LINGO2: variants seen among roughly 807,000 people sequenced by gnomAD.
LINGO2 encodes leucine-rich repeat and immunoglobulin-like domain-containing nogo receptor-interacting protein 2.
In LINGO2, 14 loss-of-function variants were observed where a neutral mutation model predicts 30.6. The ratio of observed to expected loss-of-function variants is 0.46; its 90% CI spans 0.30 to 0.72. LINGO2 has a LOEUF of 0.72. LINGO2 is among the 30% of genes least tolerant of loss of function. The pLI, the probability that LINGO2 is intolerant of heterozygous loss-of-function variation, is 0.07. For synonymous variants in LINGO2, 317 were observed against 288.5 expected (o/e 1.10, Z -1.00); for missense variants, 729 against 751.7 (o/e 0.97, Z 0.35).
chr9:28,498,969 CTTTT>C (rs996748780), intron 1 of LINGO2, among the ~76,000 whole-genome samples: 3 of 151,154 alleles, frequency 2.0e-5, no homozygotes, highest in African/African-American at 7.3e-5. Flanking sequence ...TACTCAAATA[CTTTT>C]TTTTTGTCTT....
At chr9:28,319,941 G>A (rs1824979672) in intron 3 of LINGO2, among the ~76,000 whole-genome samples, 2 of 151,970 alleles carry the variant, frequency 1.3e-5, no homozygotes, top group Admixed American at 6.6e-5. Context: ...GAATCTTAAA[G>A]TACTAGAATT....
At chr9:28,419,099 CA>C (rs756626723) in intron 2 of LINGO2, among the ~76,000 whole-genome samples, 3 of 151,904 alleles carry the variant, frequency 2.0e-5, no homozygotes, top group Non-Finnish European at 4.4e-5. Flanking sequence ...ATTAATATGT[CA>C]TATATTTTTT....
rs3065608 is a variant in LINGO2 at position 28,355,299 on chromosome 9, G to GTC, written c.-246+17535_-246+17536dup. 2.7e-3 allele frequency among the ~76,000 whole-genome samples: 322 copies of GTC among 121,034 alleles called. 4 individuals are homozygous for GTC. The highest frequency in any genetic ancestry group is 9.4e-3 in the African/African-American group (291 of 31,056). The allele number at this position is 121,034 out of a possible 152,430, so 79.4% of individuals were successfully genotyped here. On this transcript the variant is annotated intron_variant, in intron 3 of 5. Coordinates refer to ENST00000379992, the Ensembl canonical transcript of LINGO2. ...TCTCTGTCTCTCTCTCTCTCTCTAT[G>GTC]TCTCTCTCTCTCTCTCTCTCTCTCT... is the stretch of plus-strand genomic sequence containing the variant.
chr9:29,087,551 G>A, the LINGO2 span, among the ~76,000 whole-genome samples: 1 of 152,174 alleles, frequency 6.6e-6, no homozygotes, highest in African/African-American at 2.4e-5. Context: ...TAAAGCCTAT[G>A]AGTTTTCCCA....
chr9:28,588,251 A>G (rs752888215), intron 1 of LINGO2, among the ~76,000 whole-genome samples: 9 of 151,758 alleles, frequency 5.9e-5, no homozygotes, highest in Middle Eastern at 3.2e-3. Flanking sequence ...TATGGTCCAA[A>G]GGAAAGAAAA....
At chr9:27,998,607 C>T (rs914188458) in intron 5 of LINGO2, among the ~76,000 whole-genome samples, 4 of 152,118 alleles carry the variant, frequency 2.6e-5, no homozygotes, top group African/African-American at 7.2e-5. Flanking sequence ...TGTGAAACCC[C>T]GTTTCTACTA....
At chr9:28,609,979 G>C (rs893526165) in intron 1 of LINGO2, among the ~76,000 whole-genome samples, 4 of 152,134 alleles carry the variant, frequency 2.6e-5, no homozygotes, top group Admixed American at 2.0e-4. Context: ...AATGAAAATA[G>C]CAAAATGCAG....
At position 28,543,691 on chromosome 9, in the gene LINGO2, C is replaced by G. The variant is rs2135472200; in HGVS notation, c.-364-67666G>C. On this transcript the variant is annotated intron_variant, in intron 1 of 5. Coordinates refer to ENST00000379992, the Ensembl canonical transcript of LINGO2. ...TTTAAATAACCCTGAACACAAAACACTTAAGAATGCTTGAAAGATTGTAGA... is the reference window on the plus strand; with the variant it reads ...TTTAAATAACCCTGAACACAAAACAGTTAAGAATGCTTGAAAGATTGTAGA... 2.0e-5 allele frequency among the ~76,000 whole-genome samples: 3 copies of G among 152,156 alleles called. No homozygotes were observed. In the East Asian group the frequency reaches 5.8e-4, roughly 29 times the overall value.
In LINGO2 at chr9:28,663,038, A is replaced by C. The variant is rs76676773; in HGVS notation, c.-365+7162T>G. ...TTCTCCATTATCTTCTGTAACTGGG[A>C]GGATATGGAAATAAATATAGATTAG... is the stretch of plus-strand genomic sequence containing the variant. On this transcript the variant is annotated intron_variant, in intron 1 of 5. Transcript: ENST00000379992. Among the ~76,000 whole-genome samples the C allele has an allele frequency of 8.6e-3, 1,303 of 152,234 alleles. 28 individuals are homozygous for C. The highest frequency in any genetic ancestry group is 0.08 in the East Asian group (416 of 5,186).
chr9:29,125,184 C>T, the LINGO2 span, among the ~76,000 whole-genome samples: 272 of 152,216 alleles, frequency 1.8e-3, 1 homozygote, highest in African/African-American at 6.2e-3. Context: ...ACCACATGTT[C>T]TCACTCATAA....
intron 2 of LINGO2, among the ~76,000 whole-genome samples, chr9:28,416,746 C>T (rs996514648): frequency 5.9e-5 from 9 of 152,222 alleles, no homozygotes; most frequent in Admixed American, 4.6e-4. Flanking sequence ...GGAGTGTTTT[C>T]GTCCAGAGAG....
chr9:28,462,414 TAAAA>T (rs61677547), intron 2 of LINGO2, among the ~76,000 whole-genome samples: 2 of 89,100 alleles, frequency 2.2e-5, no homozygotes, highest in Non-Finnish European at 2.2e-5. Flanking sequence ...ATGCTCTAGC[TAAAA>T]AAAAAAAAAA....
the LINGO2 span, among the ~76,000 whole-genome samples, chr9:28,730,403 T>G: frequency 6.6e-6 from 1 of 152,124 alleles, no homozygotes; most frequent in South Asian, 2.1e-4. Flanking sequence ...ATCAAAAGGA[T>G]GATCTACAAT....
At chr9:28,714,342 A>G in the LINGO2 span, among the ~76,000 whole-genome samples, 2 of 151,764 alleles carry the variant, frequency 1.3e-5, no homozygotes, top group Non-Finnish European at 2.9e-5. Context: ...CAGGATCCCA[A>G]TCACCATCAA....
intron 4 of LINGO2, among the ~76,000 whole-genome samples, chr9:28,039,247 C>T (rs932898909): frequency 1.3e-5 from 2 of 152,060 alleles, no homozygotes; most frequent in African/African-American, 4.8e-5. Flanking sequence ...TAAGGCTGCA[C>T]CCTTAATTTT....
intron 3 of LINGO2, among the ~76,000 whole-genome samples, chr9:28,317,324 G>A (rs73645640): frequency 0.013 from 2,023 of 152,202 alleles, 37 homozygotes; most frequent in African/African-American, 0.046. Flanking sequence ...TGGAGAGCTA[G>A]AAGAAAAGTT....
At chr9:29,150,006 G>A in the LINGO2 span, among the ~76,000 whole-genome samples, 1 of 152,164 alleles carries the variant, frequency 6.6e-6, no homozygotes, top group Non-Finnish European at 1.5e-5. Flanking sequence ...CCTAGGAGCA[G>A]GCTTGGTAAA....
At chr9:28,639,884 G>T (rs1347467414) in intron 1 of LINGO2, among the ~76,000 whole-genome samples, 1 of 152,098 alleles carries the variant, frequency 6.6e-6, no homozygotes, top group Admixed American at 6.5e-5. Context: ...TGGTTATTTT[G>T]CTCGTTAGTT....
chr9:28,939,571 T>C, the LINGO2 span, among the ~76,000 whole-genome samples: 3 of 152,196 alleles, frequency 2.0e-5, no homozygotes, highest in Admixed American at 1.3e-4. Flanking sequence ...TATTTCCTAA[T>C]ATCTCTGGAA....
Sources: gnomAD v4.1 joint callset for allele counts (sites outside exome capture counted in the v4.1 genomes callset) on GRCh38, gnomAD v4.1.1 for gene constraint, MANE v1.5 for transcripts, NCBI Gene and HGNC (gene_info 2026-07-23, HGNC 2026-07-21) for gene names.